The following SYNPO2 variants were observed in gnomAD, a reference collection of about 807,000 sequenced individuals.
The protein encoded by SYNPO2 is synaptopodin 2.
Under a neutral mutation model 85.0 loss-of-function variants are expected in SYNPO2, and 56 were observed. The ratio of observed to expected loss-of-function variants is 0.66; its 90% CI spans 0.53 to 0.82. The LOEUF (loss-of-function observed/expected upper bound fraction) is 0.82, where lower values mean the gene tolerates loss of function less well. Ranked by LOEUF, SYNPO2 falls within the 40% of genes least tolerant of loss-of-function variation. SYNPO2 has a pLI of 0.00. For synonymous variants in SYNPO2, 602 were observed against 591.1 expected, an observed-to-expected ratio of 1.02 and a Z score of -0.27; for missense variants, 1,575 against 1,534.2, an observed-to-expected ratio of 1.03 and a Z score of -0.44.
chr4:118,974,407 A>C (rs1410399224), intron 1 of SYNPO2, among the ~76,000 whole-genome samples: 21 of 152,252 alleles, frequency 1.4e-4, no homozygotes. Flanking sequence ...AGAGGCCTAG[A>C]CCCAGAATAT....
intron 1 of SYNPO2, among the ~76,000 whole-genome samples, chr4:119,002,658 A>C (rs1050804069): frequency 6.6e-6 from 1 of 152,052 alleles, no homozygotes; most frequent in South Asian, 2.1e-4. Flanking sequence ...CTTCTTAATC[A>C]TCCTGGGGAT....
At chr4:118,915,458 C>A (rs1056114700) in intron 1 of SYNPO2, among the ~76,000 whole-genome samples, 1 of 152,038 alleles carries the variant, frequency 6.6e-6, no homozygotes, top group Non-Finnish European at 1.5e-5. Context: ...ATGTAATCTT[C>A]GGGACTTGTT....
chr4:118,887,159 CTGAG>C (rs554125787), upstream of SYNPO2, among the ~76,000 whole-genome samples: 1 of 127,844 alleles, frequency 7.8e-6, no homozygotes, highest in Non-Finnish European at 1.6e-5. Context: ...TGGTCCCCAT[CTGAG>C]TGAGTGTGTG....
At position 119,060,573 on chromosome 4, in the gene SYNPO2, A is replaced by G. The variant is rs1329127709; in HGVS notation, c.*2639A>G. 1.3e-5 allele frequency: 2 copies of G among 152,190 alleles called. No individual in the cohort carries two copies. The highest frequency in any genetic ancestry group is 3.8e-4 in the East Asian group (2 of 5,200). 9.4% of individuals were successfully genotyped at this position (152,190 alleles called of 1,614,324 possible). On this transcript the variant is annotated 3_prime_UTR_variant, in exon 5 of 5. Transcript: ENST00000307142. ...TATGGGTGAGAAGATGTAGATGACT[A>G]TTGTTCTCACTAAAGTTCTAAAATA...
At chr4:118,857,210 C>T (rs1485236553) in intron 1 of SYNPO2, among the ~76,000 whole-genome samples, 2 of 152,156 alleles carry the variant, frequency 1.3e-5, no homozygotes, top group Non-Finnish European at 2.9e-5. Flanking sequence ...TATTTATTCT[C>T]TTATCTTCTG....
chr4:118,950,434 G>C (rs1434735895), intron 1 of SYNPO2, among the ~76,000 whole-genome samples: 1 of 152,192 alleles, frequency 6.6e-6, no homozygotes, highest in African/African-American at 2.4e-5. Context: ...AGAAGGCATG[G>C]GCAAGAGCCT....
At chr4:118,859,868 G>T (rs1403045535) in intron 1 of SYNPO2, among the ~76,000 whole-genome samples, 1 of 152,128 alleles carries the variant, frequency 6.6e-6, no homozygotes, top group Non-Finnish European at 1.5e-5. Context: ...GAATAGTGCT[G>T]CAATAAACAT....
chr4:118,966,596 A>T (rs1735325534), intron 1 of SYNPO2, among the ~76,000 whole-genome samples: 2 of 152,192 alleles, frequency 1.3e-5, no homozygotes, highest in African/African-American at 4.8e-5. Flanking sequence ...CTGCTAGTTC[A>T]TATGAAGCAT....
In SYNPO2 at chr4:119,031,129, C is replaced by T. The variant is rs1738232882; in HGVS notation, c.2354C>T (p.Ala785Val). The change falls in exon 4 of 5, where the codon GCT becomes GTT. Residue 785 changes from alanine to valine, a missense_variant. Transcript: ENST00000307142. ...PVSPVWSPGV[A>V]PTQPPAFPTS... Reference sequence around the variant, plus strand: ...TCCCCAGTCTGGTCTCCAGGAGTGGCTCCCACCCAACCTCCTGCCTTCCCC... The same window carrying T: ...TCCCCAGTCTGGTCTCCAGGAGTGGTTCCCACCCAACCTCCTGCCTTCCCC... 6.2e-6 allele frequency: 10 copies of T among 1,614,024 alleles called. No homozygotes were observed. In the Admixed American group the frequency reaches 6.7e-5, roughly 11 times the overall value.
At chr4:118,932,661 A>G (rs1056393595) in intron 1 of SYNPO2, among the ~76,000 whole-genome samples, 4 of 152,224 alleles carry the variant, frequency 2.6e-5, no homozygotes, top group African/African-American at 9.6e-5. Context: ...TCTCTACGTC[A>G]ATATTAAGTT....
At chr4:119,034,383 G>A in intron 4 of SYNPO2, 2 of 978,124 alleles carry the variant, frequency 2.0e-6, no homozygotes, top group Non-Finnish European at 2.4e-6. Context: ...GTGGTATGCA[G>A]GAATGAGAAG....
At chr4:119,044,184 G>C (rs887501637) in intron 4 of SYNPO2, among the ~76,000 whole-genome samples, 2 of 152,112 alleles carry the variant, frequency 1.3e-5, no homozygotes, top group African/African-American at 4.8e-5. Context: ...GGATACTTCT[G>C]ATAAAAGATG....
chr4:118,863,076 TG>T (rs1731638818), intron 1 of SYNPO2, among the ~76,000 whole-genome samples: 1 of 152,240 alleles, frequency 6.6e-6, no homozygotes, highest in South Asian at 2.1e-4. Context: ...TCCAAAGTGC[TG>T]GGATTATAGG....
rs568183269 is a variant in SYNPO2 at position 118,993,238 on chromosome 4, G to A, written c.106-30192G>A. Among the ~76,000 whole-genome samples the A allele has an allele frequency of 5.9e-5, 9 of 152,214 alleles. No individual in the cohort carries two copies. In the South Asian group the frequency reaches 1.7e-3, roughly 28 times the overall value. ...TGTATTTGTGTGTGTTTGTGTGCAC[G>A]TGTGTGTGTTTGTAGTTATTCTCTT... On this transcript the variant is annotated intron_variant, in intron 1 of 4. Transcript: ENST00000307142.
upstream of SYNPO2, among the ~76,000 whole-genome samples, chr4:118,884,621 A>G (rs1487140049): frequency 6.6e-6 from 1 of 152,228 alleles, no homozygotes; most frequent in Admixed American, 6.5e-5. Context: ...GCCACTACCT[A>G]TTCCACACGG....
intron 1 of SYNPO2, among the ~76,000 whole-genome samples, chr4:118,954,879 T>C (rs1734818050): frequency 6.6e-6 from 1 of 152,056 alleles, no homozygotes; most frequent in Admixed American, 6.6e-5. Context: ...GGAGGTATAA[T>C]ATGATCCCCA....
At chr4:118,976,452 AC>A (rs779360860) in intron 1 of SYNPO2, among the ~76,000 whole-genome samples, 2 of 152,160 alleles carry the variant, frequency 1.3e-5, no homozygotes, top group Non-Finnish European at 2.9e-5. Context: ...AAGCTTCCAC[AC>A]TGTGGAAGGG....
At chr4:119,015,541 C>A (rs1190841586) in intron 1 of SYNPO2, among the ~76,000 whole-genome samples, 1 of 152,106 alleles carries the variant, frequency 6.6e-6, no homozygotes, top group African/African-American at 2.4e-5. Flanking sequence ...GCAATACAAG[C>A]AAGGTATCTG....
At chr4:119,033,201 G>A in intron 4 of SYNPO2, 1 of 985,422 alleles carries the variant, frequency 1.0e-6, no homozygotes, top group Non-Finnish European at 1.2e-6. Flanking sequence ...TGTAGGGTGA[G>A]AGCACACAAT....
Sources: gnomAD v4.1 joint callset for allele counts (sites outside exome capture counted in the v4.1 genomes callset) on GRCh38, gnomAD v4.1.1 for gene constraint, MANE v1.5 for transcripts, NCBI Gene and HGNC (gene_info 2026-07-23, HGNC 2026-07-21) for gene names.